The following UBE2D2 variants were observed in gnomAD, a reference collection of about 807,000 sequenced individuals.
UBE2D2 encodes the protein ubiquitin-conjugating enzyme E2 D2.
In UBE2D2, 2 loss-of-function variants were observed where a neutral mutation model predicts 24.2. That is an observed-to-expected ratio of 0.08 (90% CI 0.03 to 0.26). UBE2D2 has a LOEUF of 0.26. Among genes scored for constraint, UBE2D2 ranks in the 10% least tolerant of loss-of-function variants. The pLI is 1.00. For missense variants in UBE2D2, 44 were observed against 177.6 expected (o/e 0.25, Z 4.28); for synonymous variants, 58 against 56.5 (o/e 1.03, Z -0.12).
At chr5:139,528,037 T>C (rs1040739533) in intron 1 of UBE2D2, among the ~76,000 whole-genome samples, 1 of 152,374 alleles carries the variant, frequency 6.6e-6, no homozygotes, top group South Asian at 2.1e-4. Context: ...CTCTCTGCTA[T>C]ATCCCAAAGT....
At position 139,623,617 on chromosome 5, in the gene UBE2D2, A is replaced by G. The variant is rs540416469; in HGVS notation, c.398+156A>G. The G allele has an allele frequency of 3.2e-4, 162 of 510,460 alleles. 1 individual carries two copies. The highest frequency in any genetic ancestry group is 2.0e-3 in the Middle Eastern group (7 of 3,488). 31.6% of individuals were successfully genotyped at this position (510,460 alleles called of 1,614,324 possible). ...GAAAAGAGAAATATATGCATTGAGTATTATTATAAGTAGATGATGCCAGTC... is the reference window on the plus strand; with the variant it reads ...GAAAAGAGAAATATATGCATTGAGTGTTATTATAAGTAGATGATGCCAGTC... On this transcript the variant is annotated intron_variant, in intron 6 of 6. Transcript: ENST00000398733.
upstream of UBE2D2, among the ~76,000 whole-genome samples, chr5:139,560,176 G>A (rs1363268949): frequency 1.3e-5 from 2 of 149,228 alleles, no homozygotes; most frequent in Non-Finnish European, 3.0e-5. Context: ...TGGGTTTACA[G>A]GAACCTGCCA....
At chr5:139,589,803 G>C (rs1349857723) in intron 1 of UBE2D2, among the ~76,000 whole-genome samples, 2 of 149,676 alleles carry the variant, frequency 1.3e-5, no homozygotes, top group Non-Finnish European at 3.0e-5. Context: ...GTTTTTTTTT[G>C]AGACGGAGTC....
At chr5:139,616,236 A>T (rs911639626) in intron 5 of UBE2D2, among the ~76,000 whole-genome samples, 43 of 152,028 alleles carry the variant, frequency 2.8e-4, no homozygotes, top group African/African-American at 1.0e-3. Context: ...GAGGCAGGAG[A>T]ATCGCTTGAA....
chr5:139,536,301 A>G (rs1325419933), intron 1 of UBE2D2, among the ~76,000 whole-genome samples: 1 of 150,700 alleles, frequency 6.6e-6, no homozygotes, highest in Non-Finnish European at 1.5e-5. Context: ...GTTTCTCCAC[A>G]TTGGTCAGGC....
At chr5:139,542,333 C>T (rs28445805) in intron 1 of UBE2D2, among the ~76,000 whole-genome samples, 1 of 152,130 alleles carries the variant, frequency 6.6e-6, no homozygotes, top group East Asian at 1.9e-4. Flanking sequence ...AACTCCCTAA[C>T]CTACTATTTT....
chr5:139,598,434 A>G (rs1754003456), intron 1 of UBE2D2, among the ~76,000 whole-genome samples: 1 of 152,026 alleles, frequency 6.6e-6, no homozygotes, highest in South Asian at 2.1e-4. Flanking sequence ...GTGATTTTTC[A>G]GGCATCCTCA....
intron 1 of UBE2D2, among the ~76,000 whole-genome samples, chr5:139,564,488 C>A (rs1753176583): frequency 6.8e-6 from 1 of 147,316 alleles, no homozygotes; most frequent in Non-Finnish European, 1.5e-5. Context: ...GAGTCTCCCT[C>A]TGTCGCCCAG....
intron 2 of UBE2D2, 119 bp from the exon 3 acceptor site, chr5:139,614,467 A>T: frequency 8.5e-7 from 1 of 1,177,406 alleles, no homozygotes; most frequent in Non-Finnish European, 1.2e-6. Context: ...CATCTTGCTC[A>T]TACTCATTAT....
At chr5:139,610,820 C>CAG (rs1290389589) in intron 2 of UBE2D2, among the ~76,000 whole-genome samples, 2 of 152,008 alleles carry the variant, frequency 1.3e-5, no homozygotes, top group Non-Finnish European at 2.9e-5. Flanking sequence ...CCCTTTACTC[C>CAG]AGTCTGGGTG....
chr5:139,608,084 G>A (rs1454253372), intron 2 of UBE2D2, among the ~76,000 whole-genome samples: 2 of 151,872 alleles, frequency 1.3e-5, no homozygotes, highest in African/African-American at 4.8e-5. Context: ...GCGTGGGTAT[G>A]AAAGATTGCA....
intron 1 of UBE2D2, among the ~76,000 whole-genome samples, chr5:139,582,982 T>C (rs1561510601): frequency 6.6e-6 from 1 of 151,354 alleles, no homozygotes; most frequent in African/African-American, 2.4e-5. Flanking sequence ...TTTTTCTTTT[T>C]TTTTTTTTTG....
At chr5:139,584,822 C>T (rs933441019) in intron 1 of UBE2D2, among the ~76,000 whole-genome samples, 2 of 151,324 alleles carry the variant, frequency 1.3e-5, no homozygotes, top group Non-Finnish European at 2.9e-5. Context: ...CGTGAGCCAC[C>T]GTGCCTAGCC....
At chr5:139,560,364 A>G (rs542970321), upstream of UBE2D2, among the ~76,000 whole-genome samples, 1 of 151,954 alleles carries the variant, frequency 6.6e-6, no homozygotes, top group African/African-American at 2.4e-5. Flanking sequence ...TGCCCGGGTA[A>G]TTTTTGTATA....
intron 1 of UBE2D2, among the ~76,000 whole-genome samples, chr5:139,579,958 A>G (rs1753558525): frequency 6.6e-6 from 1 of 151,682 alleles, no homozygotes; most frequent in Non-Finnish European, 1.5e-5. Context: ...GAGGCAGGAG[A>G]ATTGCTTGAA....
Position 139,561,753 on chromosome 5 carries a change from CGTCCCCGCCCCG to C in UBE2D2, c.-37_-26del. The C allele has an allele frequency of 6.9e-7, 1 of 1,454,958 alleles. No homozygotes were observed. Among genetic ancestry groups the C allele is most frequent in the Non-Finnish European group, 9.1e-7 (1 of 1,097,292 alleles). The allele number at this position is 1,454,958 out of a possible 1,614,324, so 90.1% of individuals were successfully genotyped here. A position where few individuals can be genotyped will look rare whatever the true frequency, so the allele number is the denominator to read the frequency against. ...CCCTTCCCCGTCCCTTCCCCGCCCC[CGTCCCCGCCCCG>C]GGGGCCGCCGCCACCCGCCTCCCAC... is the stretch of plus-strand genomic sequence containing the variant. On this transcript the variant is annotated 5_prime_UTR_variant, in exon 1 of 7. Transcript: ENST00000398733.
intron 1 of UBE2D2, among the ~76,000 whole-genome samples, chr5:139,537,960 T>C (rs1487264332): frequency 8.6e-6 from 1 of 116,838 alleles, no homozygotes; most frequent in Admixed American, 7.5e-5. Context: ...CGAGACTCCG[T>C]CTCAAAAAAA....
At chr5:139,563,478 C>CA (rs200066587) in intron 1 of UBE2D2, among the ~76,000 whole-genome samples, 7,810 of 151,286 alleles carry the variant, frequency 0.052, 245 homozygotes, top group South Asian at 0.11. Context: ...AGTAGTCATC[C>CA]AAAAAAAATA....
intron 1 of UBE2D2, among the ~76,000 whole-genome samples, chr5:139,565,342 A>T (rs1054694552): frequency 6.6e-6 from 1 of 152,212 alleles, no homozygotes; most frequent in Non-Finnish European, 1.5e-5. Context: ...CCTGACCTAT[A>T]CTATAAGCAG....
Sources: gnomAD v4.1 joint callset for allele counts (sites outside exome capture counted in the v4.1 genomes callset) on GRCh38, gnomAD v4.1.1 for gene constraint, MANE v1.5 for transcripts, NCBI Gene and HGNC (gene_info 2026-07-23, HGNC 2026-07-21) for gene names.